The following GPHN variants were observed in gnomAD, a reference collection of about 807,000 sequenced individuals.
GPHN encodes gephyrin.
In GPHN, 17 loss-of-function variants were observed where a neutral mutation model predicts 95.5. The ratio of observed to expected loss-of-function variants is 0.18; its 90% CI spans 0.12 to 0.27. The LOEUF (loss-of-function observed/expected upper bound fraction) is 0.27. Ranked by LOEUF, GPHN falls within the 10% of genes least tolerant of loss-of-function variation. GPHN has a pLI of 1.00. For synonymous variants in GPHN, 320 were observed against 322.5 expected (o/e 0.99, Z 0.08); for missense variants, 660 against 978.1 (o/e 0.67, Z 4.34).
chr14:66,770,683 A>G (rs1453550021), intron 2 of GPHN, among the ~76,000 whole-genome samples: 2 of 152,152 alleles, frequency 1.3e-5, no homozygotes, highest in Admixed American at 6.6e-5. Context: ...AAAAATATTA[A>G]TACCGTAGTA....
At chr14:67,160,656 A>G (rs998087652) in intron 19 of GPHN, among the ~76,000 whole-genome samples, 13 of 152,126 alleles carry the variant, frequency 8.5e-5, no homozygotes, top group African/African-American at 2.7e-4. Context: ...GCCCACCTCC[A>G]TGCTGTCAGG....
chr14:66,872,768 A>C (rs1642639749), intron 4 of GPHN, among the ~76,000 whole-genome samples: 1 of 151,856 alleles, frequency 6.6e-6, no homozygotes, highest in African/African-American at 2.4e-5. Flanking sequence ...GGTGGTGCGC[A>C]CCTGTAATCA....
At chr14:67,367,359 TA>T in the GPHN span, among the ~76,000 whole-genome samples, 1 of 152,078 alleles carries the variant, frequency 6.6e-6, no homozygotes, top group Non-Finnish European at 1.5e-5. Flanking sequence ...GCCTCCAGAG[TA>T]GCTGGGATTA....
At chr14:67,289,914 G>A in the GPHN span, among the ~76,000 whole-genome samples, 1 of 151,810 alleles carries the variant, frequency 6.6e-6, no homozygotes. Context: ...GGGACTACAG[G>A]CACCCACCAC....
At chr14:67,720,197 A>G in the GPHN span, among the ~76,000 whole-genome samples, 1 of 152,152 alleles carries the variant, frequency 6.6e-6, no homozygotes, top group African/African-American at 2.4e-5. Context: ...AGCCACTTGT[A>G]TTTCCTTTTT....
the GPHN span, among the ~76,000 whole-genome samples, chr14:67,268,503 T>G: frequency 2.6e-5 from 4 of 152,218 alleles, no homozygotes; most frequent in African/African-American, 4.8e-5. Flanking sequence ...CTTGATTATA[T>G]TCTAAGCAAG....
the GPHN span, among the ~76,000 whole-genome samples, chr14:67,221,166 A>G: frequency 6.6e-6 from 1 of 152,254 alleles, no homozygotes; most frequent in African/African-American, 2.4e-5. Flanking sequence ...CATTTCTGAA[A>G]GTGAAATCTA....
the GPHN span, among the ~76,000 whole-genome samples, chr14:67,494,667 G>A: frequency 6.6e-6 from 1 of 152,228 alleles, no homozygotes; most frequent in Non-Finnish European, 1.5e-5. Flanking sequence ...CCACCCTCCT[G>A]TCCACAGCCG....
At chr14:67,116,275 AAAAAG>A (rs2078686314) in intron 16 of GPHN, among the ~76,000 whole-genome samples, 1 of 146,838 alleles carries the variant, frequency 6.8e-6, no homozygotes, top group Admixed American at 6.9e-5. Context: ...GAAAGAAAAG[AAAAAG>A]AAAGAAAGAA....
At chr14:67,480,613 G>A in the GPHN span, among the ~76,000 whole-genome samples, 3 of 152,108 alleles carry the variant, frequency 2.0e-5, no homozygotes, top group Non-Finnish European at 4.4e-5. Context: ...GCACAGGGAT[G>A]TGGAGACCTC....
chr14:67,173,507 A>G (rs1331782310), intron 21 of GPHN, among the ~76,000 whole-genome samples: 1 of 152,152 alleles, frequency 6.6e-6, no homozygotes, highest in Non-Finnish European at 1.5e-5. Context: ...ATACCTATTG[A>G]AAAAGTCACC....
intron 1 of GPHN, among the ~76,000 whole-genome samples, chr14:66,647,180 A>T (rs2064800697): frequency 6.6e-6 from 1 of 151,552 alleles, no homozygotes; most frequent in African/African-American, 2.4e-5. Context: ...TTCTGGGATT[A>T]CAGGCATAAG....
At chr14:66,816,257 A>C (rs1231767592) in intron 3 of GPHN, among the ~76,000 whole-genome samples, 1 of 152,112 alleles carries the variant, frequency 6.6e-6, no homozygotes, top group Non-Finnish European at 1.5e-5. Context: ...GAGAAAGAAA[A>C]TTAACAAATA....
At chr14:67,598,392 T>G in the GPHN span, among the ~76,000 whole-genome samples, 1 of 152,150 alleles carries the variant, frequency 6.6e-6, no homozygotes, top group Non-Finnish European at 1.5e-5. Context: ...TACAATGGTA[T>G]AAAGGAAAAG....
the GPHN span, among the ~76,000 whole-genome samples, chr14:67,547,717 G>A: frequency 6.6e-6 from 1 of 152,352 alleles, no homozygotes; most frequent in Non-Finnish European, 1.5e-5. Flanking sequence ...GGGCTGCGGA[G>A]GCTTGGAAGA....
rs138258970 is a variant in GPHN at position 66,771,423 on chromosome 14, T to C, written c.144-5041T>C. Among the ~76,000 whole-genome samples, 456 of 152,314 alleles carry C rather than the reference T, an allele frequency of 3.0e-3. 3 individuals are homozygous for C. The highest frequency in any genetic ancestry group is 0.011 in the African/African-American group (438 of 41,566). On this transcript the variant is annotated intron_variant, in intron 2 of 22. Transcript: ENST00000478722. Reference sequence around the variant, plus strand: ...CAGATAACCCTGAATTAACAAGACATTCTTGAAGAAGTTAACCTGCGAGAA... The same window carrying C: ...CAGATAACCCTGAATTAACAAGACACTCTTGAAGAAGTTAACCTGCGAGAA...
chr14:67,622,441 T>C, the GPHN span, among the ~76,000 whole-genome samples: 3 of 152,226 alleles, frequency 2.0e-5, no homozygotes, highest in East Asian at 5.8e-4. Context: ...GTGACATGGA[T>C]TCAATATTCG....
chr14:67,195,001 A>G, the GPHN span, among the ~76,000 whole-genome samples: 2 of 152,158 alleles, frequency 1.3e-5, no homozygotes, highest in Admixed American at 1.3e-4. Context: ...CACCACGCCC[A>G]AGCCTGGACT....
chr14:66,977,041 G>C (rs970982192), intron 9 of GPHN, among the ~76,000 whole-genome samples: 1 of 151,976 alleles, frequency 6.6e-6, no homozygotes, highest in African/African-American at 2.4e-5. Flanking sequence ...AATGACATGA[G>C]TATTTCTTTT....
Sources: allele counts gnomAD v4.1 joint callset (sites outside exome capture counted in the v4.1 genomes callset), GRCh38; gene constraint gnomAD v4.1.1; transcripts MANE v1.5; gene names NCBI Gene and HGNC (gene_info 2026-07-23, HGNC 2026-07-21).